The following FRAS1 variants were observed in gnomAD, a reference collection of about 807,000 sequenced individuals.
The protein encoded by FRAS1 is Fraser extracellular matrix complex subunit 1.
In FRAS1, 290 loss-of-function variants were observed where a neutral mutation model predicts 435.2. The observed-to-expected ratio is 0.67, with a 90% CI of 0.61 to 0.73. The LOEUF (loss-of-function observed/expected upper bound fraction) is 0.73. Ranked by LOEUF, FRAS1 falls within the 30% of genes least tolerant of loss-of-function variation. The pLI, the probability that FRAS1 is intolerant of heterozygous loss-of-function variation, is 0.00. For synonymous variants in FRAS1, 1,800 were observed against 1,851.0 expected (o/e 0.97, Z 0.71); for missense variants, 4,860 against 5,001.5 (o/e 0.97, Z 0.85).
chr4:78,171,677 G>A (rs575546232), intron 2 of FRAS1, among the ~76,000 whole-genome samples: 3 of 152,120 alleles, frequency 2.0e-5, no homozygotes, highest in African/African-American at 4.8e-5. Context: ...GCCTGTGAGT[G>A]TCGCCTCCTG....
intron 2 of FRAS1, among the ~76,000 whole-genome samples, chr4:78,192,497 T>C (rs1449620438): frequency 1.3e-5 from 2 of 152,218 alleles, no homozygotes; most frequent in African/African-American, 4.8e-5. Context: ...TGGTTTAGTT[T>C]TGGGAGAGTG....
At chr4:78,409,632 TAAAG>T (rs1204163885) in intron 31 of FRAS1, among the ~76,000 whole-genome samples, 1 of 152,114 alleles carries the variant, frequency 6.6e-6, no homozygotes, top group Admixed American at 6.5e-5. Flanking sequence ...GATTTGGAAA[TAAAG>T]AATCATACAG....
chr4:78,210,738 G>T (rs1723468590), intron 2 of FRAS1, among the ~76,000 whole-genome samples: 1 of 152,200 alleles, frequency 6.6e-6, no homozygotes, highest in Admixed American at 6.5e-5. Flanking sequence ...AGACAGAGAA[G>T]GTAAGTGAAT....
intron 2 of FRAS1, among the ~76,000 whole-genome samples, chr4:78,089,108 G>A (rs902772928): frequency 1.3e-5 from 2 of 152,010 alleles, no homozygotes; most frequent in Non-Finnish European, 2.9e-5. Flanking sequence ...CATAAAAAAT[G>A]ATGAGTTCAT....
At chr4:78,088,295 T>C (rs1246567924) in intron 2 of FRAS1, among the ~76,000 whole-genome samples, 1 of 152,224 alleles carries the variant, frequency 6.6e-6, no homozygotes, top group Non-Finnish European at 1.5e-5. Flanking sequence ...GATTAAAGAC[T>C]TAGATGTTAG....
intron 2 of FRAS1, among the ~76,000 whole-genome samples, chr4:78,197,216 A>G (rs1722853705): frequency 6.6e-6 from 1 of 152,192 alleles, no homozygotes; most frequent in Non-Finnish European, 1.5e-5. Flanking sequence ...CTCTGAAGTC[A>G]CACTGCTGGG....
chr4:78,083,226 G>T (rs1740975977), intron 2 of FRAS1, among the ~76,000 whole-genome samples: 1 of 152,114 alleles, frequency 6.6e-6, no homozygotes, highest in African/African-American at 2.4e-5. Context: ...AGTTTCCATG[G>T]TTCCCATCCT....
chr4:78,102,553 C>T (rs575503065), intron 2 of FRAS1, among the ~76,000 whole-genome samples: 89 of 152,226 alleles, frequency 5.8e-4, no homozygotes, highest in South Asian at 4.6e-3. Flanking sequence ...ATGACCCTGG[C>T]GACCATCTTT....
chr4:78,445,358 C>G (rs529989199), intron 41 of FRAS1, among the ~76,000 whole-genome samples, 164 bp from the exon 42 acceptor site: 1 of 152,228 alleles, frequency 6.6e-6, no homozygotes, highest in Non-Finnish European at 1.5e-5. Context: ...CGGATCTGAC[C>G]CAGGCCTTCC....
rs756903720 is a variant in FRAS1 at position 78,511,439 on chromosome 4, T to G, written c.9946T>G (p.Phe3316Val). 1 of 1,613,968 alleles carries G rather than the reference T, an allele frequency of 6.2e-7. No homozygotes were observed. The highest frequency in any genetic ancestry group is 8.5e-7 in the Non-Finnish European group (1 of 1,179,866). The change falls in exon 64 of 74, where the codon TTC (phenylalanine) becomes GTC (valine). Residue 3316 changes from phenylalanine (F) to valine (V), a missense_variant. Coordinates refer to ENST00000512123, the MANE Select transcript of FRAS1 (RefSeq NM_025074.7). ...TPVVAGTSRG[F>V]QAQSFIATLK... is the part of the protein sequence containing the mutation. ...AGTGGTGGCTGGGACATCCAGAGGC[T>G]TCCAGGCTCAGTCCTTCATCGCAAC...
chr4:78,199,213 C>T (rs1172321139), intron 2 of FRAS1, among the ~76,000 whole-genome samples: 1 of 152,126 alleles, frequency 6.6e-6, no homozygotes, highest in African/African-American at 2.4e-5. Context: ...CTGCAGTTTA[C>T]GGTAATCTAG....
At chr4:78,442,982 A>G (rs1448299734) in intron 41 of FRAS1, among the ~76,000 whole-genome samples, 1 of 152,224 alleles carries the variant, frequency 6.6e-6, no homozygotes, top group African/African-American at 2.4e-5. Flanking sequence ...AGGTATATTA[A>G]CTAAAGACCC....
At chr4:78,224,233 C>T (rs1724174815) in intron 2 of FRAS1, among the ~76,000 whole-genome samples, 1 of 152,188 alleles carries the variant, frequency 6.6e-6, no homozygotes, top group African/African-American at 2.4e-5. Context: ...AAACCAGAAT[C>T]ACTTTTCATT....
At chr4:78,482,630 C>A in intron 58 of FRAS1, 95 bp downstream of exon 58, 1 of 1,321,090 alleles carries the variant, frequency 7.6e-7, no homozygotes, top group South Asian at 1.3e-5. Flanking sequence ...TTCACATTTT[C>A]ATTCAAGAAA....
intron 4 of FRAS1, among the ~76,000 whole-genome samples, chr4:78,247,532 T>G (rs1212372833): frequency 6.6e-6 from 1 of 152,160 alleles, no homozygotes; most frequent in African/African-American, 2.4e-5. Context: ...CCTTCCTCTC[T>G]TTCTTTCTTC....
intron 2 of FRAS1, among the ~76,000 whole-genome samples, chr4:78,111,825 T>G (rs1047717101): frequency 6.6e-6 from 1 of 150,688 alleles, no homozygotes; most frequent in African/African-American, 2.4e-5. Context: ...AATAGTTCAC[T>G]GAGACAGAAA....
intron 30 of FRAS1, among the ~76,000 whole-genome samples, chr4:78,401,924 G>A (rs6819661): frequency 0.26 from 38,850 of 149,758 alleles, 5,264 homozygotes; most frequent in Admixed American, 0.31. Flanking sequence ...CTCTCTGCTA[G>A]GCTACGTGGG....
intron 20 of FRAS1, among the ~76,000 whole-genome samples, chr4:78,344,586 A>ATTT (rs112149675): frequency 0.065 from 9,228 of 141,600 alleles, 639 homozygotes; most frequent in African/African-American, 0.17. Context: ...CTCAAGAATG[A>ATTT]TTTTTTTTTT....
In FRAS1 at chr4:78,244,819, C is replaced by A. The variant is rs568507321; in HGVS notation, c.217-414C>A. 3.3e-5 allele frequency among the ~76,000 whole-genome samples: 5 copies of A among 152,268 alleles called. No individual in the cohort carries two copies. The East Asian group carries it at 9.7e-4, about 29-fold the overall frequency. ...AAGTTACCTATGAGAACTTCAGCTG[C>A]TTCACTGGCTGCACTAGGCTGTGTA... On this transcript the variant is annotated intron_variant, in intron 3 of 73. Transcript: ENST00000512123.
Sources: allele counts gnomAD v4.1 joint callset (sites outside exome capture counted in the v4.1 genomes callset), GRCh38; gene constraint gnomAD v4.1.1; transcripts MANE v1.5; gene names NCBI Gene and HGNC (gene_info 2026-07-23, HGNC 2026-07-21).